The following LSS variants were observed in gnomAD, a reference collection of about 807,000 sequenced individuals.
LSS encodes lanosterol synthase.
In LSS, 90 loss-of-function variants were observed where a neutral mutation model predicts 110.3. That is an observed-to-expected ratio of 0.82 (90% CI 0.69 to 0.97). The LOEUF (loss-of-function observed/expected upper bound fraction) is 0.97. LSS is among the 50% of genes least tolerant of loss of function. The probability of loss-of-function intolerance (pLI) is 0.00; values close to 1 mark genes in which losing one functional copy is unlikely to be tolerated. For missense variants in LSS, 927 were observed against 990.0 expected, an observed-to-expected ratio of 0.94 and a Z score of 0.85; for synonymous variants, 433 against 400.0, an observed-to-expected ratio of 1.08 and a Z score of -0.98.
intron 19 of LSS, among the ~76,000 whole-genome samples, chr21:46,195,261 C>T (rs1401489536): frequency 1.3e-5 from 2 of 152,152 alleles, no homozygotes; most frequent in South Asian, 2.1e-4. Context: ...TCATTTCAAC[C>T]GGGGATCTTA....
intron 17 of LSS, among the ~76,000 whole-genome samples, chr21:46,197,141 T>C (rs2079920258): frequency 6.6e-6 from 1 of 152,228 alleles, no homozygotes; most frequent in South Asian, 2.1e-4. Flanking sequence ...TGTACTAATA[T>C]TGTTACTCGG....
rs772489034 is a variant in LSS, at chr21:46,228,562, G to A, written c.52C>T (p.Pro18Ser). ...CGCCAGCGGCCGAGGTCGGTGGCGG[G>A]CTCGGTCTTGTAGGGGCCCCCTCGG... Reference protein sequence around the residue: ...RRRGGPYKTEPATDLGRWRLN... With the variant: ...RRRGGPYKTESATDLGRWRLN... Residue 18 changes from proline to serine, a missense_variant, in exon 2 of 22, where the codon CCC (proline) becomes TCC (serine). Pro to Ser is a moderately conservative substitution (Grantham distance 74). Transcript: ENST00000397728. 6.3e-7 allele frequency: 1 copy of A among 1,594,952 alleles called. No homozygotes were observed. Among genetic ancestry groups the A allele is most frequent in the South Asian group, 1.1e-5 (1 of 90,424 alleles).
chr21:46,196,306 A>C (rs2079909880), intron 17 of LSS, 39 bp from the exon 18 acceptor site: 7 of 1,530,604 alleles, frequency 4.6e-6, no homozygotes, highest in Non-Finnish European at 6.3e-6. Flanking sequence ...TTCTGGTAAA[A>C]CAGCAGTTTA....
At chr21:46,225,124 C>T (rs1037452242) in intron 3 of LSS, 5 of 176,560 alleles carry the variant, frequency 2.8e-5, no homozygotes, top group African/African-American at 1.2e-4. Flanking sequence ...CTAGATCATA[C>T]ATATGATTAT....
At chr21:46,207,712 G>A in intron 14 of LSS, 135 bp from the exon 15 acceptor site, 2 of 1,012,152 alleles carry the variant, frequency 2.0e-6, no homozygotes, top group East Asian at 2.6e-5. Flanking sequence ...AAAGGTGTGG[G>A]TGCAGCCAGG....
chr21:46,197,661 G>A (rs538165975), intron 17 of LSS, among the ~76,000 whole-genome samples: 1 of 152,302 alleles, frequency 6.6e-6, no homozygotes, highest in African/African-American at 2.4e-5. Flanking sequence ...AGATCGAGGT[G>A]GGCAGATCAC....
Position 46,216,624 on chromosome 21 carries a change from G to T in LSS, c.648-100C>A, listed in dbSNP as rs2080211402. ...GCCCTTTCAAGCACGAACACTGGTGGATGGCTATTCCCCACCACGTCAGTG... is the reference window on the plus strand; with the variant it reads ...GCCCTTTCAAGCACGAACACTGGTGTATGGCTATTCCCCACCACGTCAGTG... On this transcript the variant is annotated intron_variant, in intron 6 of 21. Coordinates refer to ENST00000397728, the MANE Select transcript of LSS (RefSeq NM_002340.6). The surrounding 1 kb of genome is among the most constrained non-coding windows in gnomAD (Gnocchi z 4.2). The T allele has an allele frequency of 1.4e-5, 19 of 1,372,538 alleles. No homozygotes were observed. Among genetic ancestry groups the T allele is most frequent in the Non-Finnish European group, 1.8e-5 (19 of 1,033,502 alleles). The allele number at this position is 1,372,538 out of a possible 1,614,324, so 85.0% of individuals were successfully genotyped here. A position where few individuals can be genotyped will look rare whatever the true frequency, so the allele number is the denominator to read the frequency against.
At chr21:46,202,433 A>T (rs529959234) in intron 17 of LSS, among the ~76,000 whole-genome samples, 2 of 151,624 alleles carry the variant, frequency 1.3e-5, no homozygotes, top group South Asian at 4.1e-4. Flanking sequence ...CTTAATATAA[A>T]AATCACACTA....
In LSS at chr21:46,216,501, G is replaced by A; in HGVS notation, c.671C>T (p.Ala224Val). The change falls in exon 7 of 22, where the codon GCA becomes GTA. Residue 224 changes from alanine to valine, a missense_variant. Transcript: ENST00000397728. This position sits in a 1 kb window ranked among gnomAD's most constrained non-coding sequence, Gnocchi z 4.2. ...EMWLFPDWAP[A>V]HPSTLWCHCR... ...GTGGCACCAGAGTGTGGAGGGGTGT[G>A]CCGGTGCCCAGTCAGGAAACAGCCT... 1.2e-6 allele frequency: 2 copies of A among 1,608,146 alleles called. No homozygotes were observed. The highest frequency in any genetic ancestry group is 1.7e-6 in the Non-Finnish European group (2 of 1,175,760).
Position 46,205,860 on chromosome 21 carries a change from G to A in LSS, c.1646C>T (p.Pro549Leu), listed in dbSNP as rs554557257. The change falls in exon 17 of 22, where the codon CCG (proline) becomes CTG (leucine). Residue 549 changes from proline to leucine, a missense_variant. Pro to Leu is a moderately conservative substitution (Grantham distance 98). Coordinates refer to ENST00000397728, the MANE Select transcript of LSS (RefSeq NM_002340.6). ...CCGGATCTCCGCTGCCCTGTGCTCCGGGAAACGCTTGTGGAAATACTTAAG... is the reference window on the plus strand; with the variant it reads ...CCGGATCTCCGCTGCCCTGTGCTCCAGGAAACGCTTGTGGAAATACTTAAG... ...QALKYFHKRF[P>L]EHRAAEIRET... is the part of the protein sequence containing the mutation. 1.1e-5 allele frequency: 17 copies of A among 1,608,912 alleles called. No individual in the cohort carries two copies. Among genetic ancestry groups the A allele is most frequent in the East Asian group, 2.2e-5 (1 of 44,802 alleles).
rs373277086 is a variant in LSS at position 46,213,691 on chromosome 21, T to C, written c.1109+47A>G. ...CACTGGGATGCAGCTGGGGCTCAGA[T>C]CCAGTCTTCGTGAGAGGCCCCGCCA... On this transcript the variant is annotated intron_variant, in intron 10 of 21. Coordinates refer to ENST00000397728, the MANE Select transcript of LSS (RefSeq NM_002340.6). 3.3e-6 allele frequency: 5 copies of C among 1,538,012 alleles called. No individual in the cohort carries two copies. The East Asian group carries it at 7.1e-5, about 22-fold the overall frequency.
intron 5 of LSS, among the ~76,000 whole-genome samples, 170 bp from the exon 6 acceptor site, chr21:46,219,742 G>A (rs564703489): frequency 2.6e-5 from 4 of 152,342 alleles, no homozygotes; most frequent in African/African-American, 9.6e-5. Flanking sequence ...GTTCCAGAGT[G>A]CTGAGAACTT....
chr21:46,191,137 C>T lies in LSS; in HGVS notation c.2166G>A (p.Leu722=), dbSNP rs779364332. The change falls in exon 22 of 22, where the codon CTG becomes CTA. Residue 722 remains leucine, a synonymous_variant. Transcript: ENST00000397728. ...PIWALGRFSQ[L]YPERALAGHP ...GGCCAGCAAGGGCTCTCTCAGGGTA[C>T]AGCTGGGAGAAGCGGCCGAGGGCCC... 7 of 1,614,056 alleles carry T rather than the reference C, an allele frequency of 4.3e-6. No individual in the cohort carries two copies. Among genetic ancestry groups the T allele is most frequent in the African/African-American group, 4.0e-5 (3 of 74,932 alleles).
chr21:46,206,836 C>CG (rs2080056184), intron 15 of LSS, 68 bp from the exon 16 acceptor site: 1 of 1,186,868 alleles, frequency 8.4e-7, no homozygotes, highest in African/African-American at 1.5e-5. Flanking sequence ...CAGGGCACAG[C>CG]GGAACTCTCT....
At chr21:46,205,974 T>C in intron 16 of LSS, 33 bp from the exon 17 acceptor site, 1 of 1,515,122 alleles carries the variant, frequency 6.6e-7, no homozygotes, top group Non-Finnish European at 9.1e-7. Flanking sequence ...AAGTGTTGGG[T>C]TTCACCCTGG....
intron 17 of LSS, among the ~76,000 whole-genome samples, chr21:46,199,511 G>A (rs2079952191): frequency 6.6e-6 from 1 of 152,186 alleles, no homozygotes; most frequent in African/African-American, 2.4e-5. Flanking sequence ...ATGCTTCTTG[G>A]CATTTACCCA....
Position 46,210,587 on chromosome 21 carries a change from G to A in LSS, c.1194+101C>T, listed in dbSNP as rs2080116172. 6.1e-6 allele frequency: 7 copies of A among 1,156,678 alleles called. No homozygotes were observed. The Admixed American group carries it at 7.4e-5, about 12-fold the overall frequency. The allele number at this position is 1,156,678 out of a possible 1,614,324, so 71.7% of individuals were successfully genotyped here. ...CCCAGGTCACTGGAAGTATCGAGGA[G>A]TGGCAAGTGTGTGGCCAGCAGTGCT... On this transcript the variant is annotated intron_variant, in intron 12 of 21. Transcript: ENST00000397728.
chr21:46,189,695 G>T lies in LSS; in HGVS notation c.*1409C>A. 2.2e-6 allele frequency: 1 copy of T among 456,740 alleles called. No individual in the cohort carries two copies. 28.3% of individuals were successfully genotyped at this position (456,740 alleles called of 1,614,324 possible). A position where few individuals can be genotyped will look rare whatever the true frequency, so the allele number is the denominator to read the frequency against. ...AGATCTCCACTGCCTGAGGGAGAGT[G>T]ATCAGCCAGGGGGAGAGGCCAGGGA... On this transcript the variant is annotated 3_prime_UTR_variant, in exon 22 of 22. Coordinates refer to ENST00000397728, the MANE Select transcript of LSS (RefSeq NM_002340.6).
intron 20 of LSS, chr21:46,193,888 T>C: frequency 1.2e-5 from 5 of 425,892 alleles, no homozygotes; most frequent in South Asian, 6.6e-5. Context: ...TCTGTCTCCA[T>C]GTACCTATGT....
Sources: gnomAD v4.1 joint callset for allele counts (sites outside exome capture counted in the v4.1 genomes callset) on GRCh38, gnomAD v4.1.1 for gene constraint, Gnocchi (gnomAD v3.1) non-coding constraint, MANE v1.5 for transcripts, NCBI Gene and HGNC (gene_info 2026-07-23, HGNC 2026-07-21) for gene names.